The following ACAP2 variants were observed in gnomAD, a reference collection of about 807,000 sequenced individuals.
The protein encoded by ACAP2 is arf-GAP with coiled-coil, ANK repeat and PH domain-containing protein 2.
A neutral mutation model predicts 115.8 loss-of-function variants in ACAP2; 39 were observed. The ratio of observed to expected loss-of-function variants is 0.34; its 90% confidence interval spans 0.26 to 0.44. The LOEUF (loss-of-function observed/expected upper bound fraction) is 0.44, where lower values mean the gene tolerates loss of function less well. Ranked by LOEUF, ACAP2 falls within the 20% of genes least tolerant of loss-of-function variation. The pLI is 1.00. For synonymous variants in ACAP2, 289 were observed against 315.8 expected (o/e 0.92, Z 0.90); for missense variants, 662 against 927.6 (o/e 0.71, Z 3.72).
intron 5 of ACAP2, among the ~76,000 whole-genome samples, chr3:195,343,215 A>T (rs1394158023): frequency 6.6e-6 from 1 of 152,210 alleles, no homozygotes; most frequent in Non-Finnish European, 1.5e-5. Context: ...ACAGAAACAT[A>T]AAGTTAATTG....
chr3:195,301,622 T>C lies in ACAP2; in HGVS notation c.1348A>G (p.Lys450Glu). Residue 450 changes from lysine (K) to glutamate (E), a missense_variant, in exon 15 of 23, where the codon AAA becomes GAA. By Grantham distance (56) the Lys-to-Glu change is moderately conservative. This residue lies in a region of ACAP2 where 401 missense variants were observed against 604.4 expected (regional missense o/e 0.66). Transcript: ENST00000326793. ...GTGTCTAAAGTTAAAGATCGTACTT[T>C]TGAAAAATGAACCCCAAGGCTCCTA... ...IHRSLGVHFS[K>E]VRSLTLDTWE... is the part of the protein sequence containing the mutation. 1 of 1,613,484 alleles carries C rather than the reference T, an allele frequency of 6.2e-7. No individual in the cohort carries two copies. Among genetic ancestry groups the C allele is most frequent in the Non-Finnish European group, 8.5e-7 (1 of 1,179,884 alleles).
At chr3:195,403,021 T>A (rs192000265) in intron 1 of ACAP2, among the ~76,000 whole-genome samples, 1 of 152,066 alleles carries the variant, frequency 6.6e-6, no homozygotes, top group African/African-American at 2.4e-5. Flanking sequence ...AGGTGGTAAG[T>A]ACCATGGGAA....
intron 6 of ACAP2, 130 bp downstream of exon 6, chr3:195,342,340 TC>T (rs1730931715): frequency 2.3e-6 from 2 of 878,198 alleles, no homozygotes; most frequent in Non-Finnish European, 3.2e-6. Context: ...ATGGAAATTT[TC>T]CACCTAAGAT....
chr3:195,295,961 T>C, intron 16 of ACAP2, 69 bp from the exon 17 acceptor site: 1 of 1,300,056 alleles, frequency 7.7e-7, no homozygotes, highest in East Asian at 2.3e-5. Context: ...CAACAAGCCA[T>C]TATATACTGA....
intron 1 of ACAP2, among the ~76,000 whole-genome samples, chr3:195,399,274 T>C (rs899117632): frequency 5.9e-5 from 9 of 152,216 alleles, no homozygotes; most frequent in African/African-American, 1.7e-4. Flanking sequence ...AGTATGAATA[T>C]AGATGAAAAT....
intron 1 of ACAP2, among the ~76,000 whole-genome samples, chr3:195,428,468 C>T (rs1714858563): frequency 6.6e-6 from 1 of 151,868 alleles, no homozygotes; most frequent in Non-Finnish European, 1.5e-5. Flanking sequence ...CATATTTTTA[C>T]TGTACCTTTT....
chr3:195,334,273 G>A (rs1730363727), intron 7 of ACAP2, among the ~76,000 whole-genome samples: 1 of 148,208 alleles, frequency 6.7e-6, no homozygotes, highest in South Asian at 2.1e-4. Context: ...AAACTCAGAA[G>A]AGGAAAATTA....
intron 1 of ACAP2, among the ~76,000 whole-genome samples, chr3:195,414,441 A>T (rs1713552107): frequency 6.6e-6 from 1 of 152,148 alleles, no homozygotes; most frequent in Admixed American, 6.5e-5. Context: ...CTATCCAGCA[A>T]TCACTCTCCT....
chr3:195,375,008 A>G (rs1321899252), intron 4 of ACAP2, among the ~76,000 whole-genome samples: 2 of 152,024 alleles, frequency 1.3e-5, no homozygotes, highest in Non-Finnish European at 2.9e-5. Flanking sequence ...CTTGGCCAGC[A>G]TGGTAAAACC....
chr3:195,374,750 T>C (rs935127102), intron 4 of ACAP2, among the ~76,000 whole-genome samples: 2 of 151,184 alleles, frequency 1.3e-5, no homozygotes, highest in South Asian at 2.1e-4. Flanking sequence ...AGTCACGCTC[T>C]GTCGCCCAGG....
At chr3:195,382,609 A>G (rs913844700) in intron 2 of ACAP2, among the ~76,000 whole-genome samples, 1 of 152,134 alleles carries the variant, frequency 6.6e-6, no homozygotes, top group African/African-American at 2.4e-5. Flanking sequence ...ATTAAAAAAC[A>G]GATAAAAGTG....
intron 4 of ACAP2, 80 bp downstream of exon 4, chr3:195,380,929 C>T: frequency 8.0e-7 from 1 of 1,242,636 alleles, no homozygotes; most frequent in South Asian, 1.4e-5. Flanking sequence ...CCCTTTTAGT[C>T]ATTTCATAAA....
rs1238696490 is a variant in ACAP2 at position 195,392,097 on chromosome 3, A to G, written c.104T>C (p.Leu35Pro). ...CTAACTTGTAAAATTTACCTTATCAAGTTTTAGTTCCAATTCTGCCACATC... is the reference window on the plus strand; with the variant it reads ...CTAACTTGTAAAATTTACCTTATCAGGTTTTAGTTCCAATTCTGCCACATC... ...EGDVAELELK[L>P]DKLVKLCIAM... Residue 35 changes from leucine (L) to proline (P), a missense_variant, in exon 2 of 23, where the codon CTT becomes CCT. Leu to Pro is a moderately conservative substitution (Grantham distance 98, BLOSUM62 -3). Around this residue, in one of 3 missense-constraint regions of ACAP2, gnomAD observed 401 missense variants for 604.4 expected, o/e 0.66. Coordinates refer to ENST00000326793, the MANE Select transcript of ACAP2 (RefSeq NM_012287.6). The G allele has an allele frequency of 1.9e-6, 3 of 1,612,504 alleles. No individual in the cohort carries two copies. The highest frequency in any genetic ancestry group is 2.5e-6 in the Non-Finnish European group (3 of 1,179,356).
At chr3:195,297,099 A>G (rs1248176637) in intron 16 of ACAP2, 91 bp downstream of exon 16, 12 of 1,131,646 alleles carry the variant, frequency 1.1e-5, no homozygotes, top group Non-Finnish European at 1.6e-5. Flanking sequence ...GCTTCTAAAC[A>G]CTTTGTCTCA....
intron 4 of ACAP2, among the ~76,000 whole-genome samples, chr3:195,373,147 T>G (rs1238992960): frequency 6.6e-6 from 1 of 152,028 alleles, no homozygotes; most frequent in Non-Finnish European, 1.5e-5. Context: ...AGAATTTATT[T>G]GGAGCCAGGT....
intron 1 of ACAP2, among the ~76,000 whole-genome samples, chr3:195,414,529 C>A (rs1238830001): frequency 6.6e-6 from 1 of 152,162 alleles, no homozygotes; most frequent in East Asian, 1.9e-4. Flanking sequence ...TTGGAAGCAA[C>A]CAAGATGTCT....
At chr3:195,399,511 G>A (rs985529120) in intron 1 of ACAP2, among the ~76,000 whole-genome samples, 1 of 151,486 alleles carries the variant, frequency 6.6e-6, no homozygotes, top group African/African-American at 2.4e-5. Context: ...TTCCATCTAC[G>A]TTTGTATCTT....
intron 4 of ACAP2, among the ~76,000 whole-genome samples, chr3:195,366,447 C>A (rs1732730386): frequency 6.6e-6 from 1 of 152,178 alleles, no homozygotes; most frequent in Non-Finnish European, 1.5e-5. Flanking sequence ...ACTGGTGACT[C>A]CAGAATCAGT....
At chr3:195,356,421 C>T (rs1381808645) in intron 4 of ACAP2, among the ~76,000 whole-genome samples, 2 of 152,178 alleles carry the variant, frequency 1.3e-5, no homozygotes, top group Non-Finnish European at 2.9e-5. Flanking sequence ...AGGACTGTAA[C>T]TCCTAGGCAA....
Sources: gnomAD v4.1 joint callset for allele counts (sites outside exome capture counted in the v4.1 genomes callset) on GRCh38, gnomAD v4.1.1 for gene constraint, gnomAD v4.1.1 regional missense constraint, MANE v1.5 for transcripts, NCBI Gene and HGNC (gene_info 2026-07-23, HGNC 2026-07-21) for gene names.